Variants in ROBO1 observed in about 807,000 individuals in gnomAD.
ROBO1 encodes the protein roundabout guidance receptor 1.
ROBO1 carries 149 observed loss-of-function variants against 195.9 expected under a neutral mutation model. The ratio of observed to expected loss-of-function variants is 0.76; its 90% CI spans 0.67 to 0.87. The LOEUF is 0.87. Ranked by LOEUF, ROBO1 falls within the 40% of genes least tolerant of loss-of-function variation. The pLI, the probability that ROBO1 is intolerant of heterozygous loss-of-function variation, is 0.00. For missense variants in ROBO1, 1,933 were observed against 2,068.3 expected (o/e 0.93, Z 1.27); for synonymous variants, 816 against 733.2 (o/e 1.11, Z -1.82).
At chr3:78,841,854 C>G (rs331134) in intron 4 of ROBO1, among the ~76,000 whole-genome samples, 1 of 151,704 alleles carries the variant, frequency 6.6e-6, no homozygotes, top group Non-Finnish European at 1.5e-5. Flanking sequence ...TTAATAAAGC[C>G]CTTTCATTAG....
intron 2 of ROBO1, among the ~76,000 whole-genome samples, chr3:79,532,507 G>A (rs978841610): frequency 2.8e-4 from 42 of 152,128 alleles, no homozygotes; most frequent in African/African-American, 8.9e-4. Context: ...TAGGTCAGGC[G>A]TGGATGTGCT....
intron 2 of ROBO1, among the ~76,000 whole-genome samples, chr3:79,243,497 T>C (rs1325837390): frequency 1.3e-5 from 2 of 152,074 alleles, no homozygotes; most frequent in Non-Finnish European, 2.9e-5. Flanking sequence ...CAGCACCTGT[T>C]GTTTCCTGAC....
chr3:79,152,795 G>T (rs2080795887), intron 2 of ROBO1, among the ~76,000 whole-genome samples: 3 of 151,846 alleles, frequency 2.0e-5, no homozygotes, highest in Admixed American at 1.3e-4. Context: ...GAGGGGTAGT[G>T]TCAGGAAATA....
At chr3:78,992,099 T>C (rs577608960) in intron 3 of ROBO1, among the ~76,000 whole-genome samples, 1 of 152,302 alleles carries the variant, frequency 6.6e-6, no homozygotes, top group Admixed American at 6.5e-5. Context: ...AATGATAGAA[T>C]GCTCCAGGAT....
At chr3:78,878,521 T>C (rs1489368470) in intron 4 of ROBO1, among the ~76,000 whole-genome samples, 1 of 139,496 alleles carries the variant, frequency 7.2e-6, no homozygotes, top group East Asian at 2.1e-4. Context: ...GGGACAGAGA[T>C]TGCAGTGAGC....
intron 4 of ROBO1, among the ~76,000 whole-genome samples, chr3:78,775,374 A>G (rs1198889604): frequency 6.6e-6 from 1 of 152,160 alleles, no homozygotes; most frequent in Non-Finnish European, 1.5e-5. Flanking sequence ...ACTCATTCCT[A>G]TTTATATAAT....
At chr3:79,200,630 G>A (rs937405270) in intron 2 of ROBO1, among the ~76,000 whole-genome samples, 2 of 151,712 alleles carry the variant, frequency 1.3e-5, no homozygotes, top group Non-Finnish European at 2.9e-5. Flanking sequence ...GAGCAAAGAG[G>A]TTTCCAGAAG....
At chr3:79,766,888 G>C (rs1366478033) in intron 1 of ROBO1, among the ~76,000 whole-genome samples, 1 of 152,124 alleles carries the variant, frequency 6.6e-6, no homozygotes, top group Non-Finnish European at 1.5e-5. Context: ...AGCGCTTCCT[G>C]GTTCGTCCCA....
chr3:78,976,124 A>C (rs2076879816), intron 3 of ROBO1, among the ~76,000 whole-genome samples: 2 of 152,240 alleles, frequency 1.3e-5, no homozygotes, highest in African/African-American at 4.8e-5. Context: ...AAACAGACTC[A>C]GTGCAATACA....
intron 1 of ROBO1, among the ~76,000 whole-genome samples, chr3:79,601,588 A>T (rs988424241): frequency 2.0e-5 from 3 of 152,012 alleles, no homozygotes; most frequent in Non-Finnish European, 4.4e-5. Context: ...ACAGACATGT[A>T]TGCAACTGAA....
In ROBO1 at chr3:79,256,298, A is replaced by G. The variant is rs144172741; in HGVS notation, c.89-130759T>C. On this transcript the variant is annotated intron_variant, in intron 2 of 30. Coordinates refer to ENST00000464233, the MANE Select transcript of ROBO1 (RefSeq NM_002941.4). ...CACCCTTTCTTCCAAGGCTGTAGAC[A>G]CATGGTACATGTGTTCATTACCAAC... Among the ~76,000 whole-genome samples the G allele has an allele frequency of 1.8e-3, 267 of 152,272 alleles. 2 individuals carry two copies. The highest frequency in any genetic ancestry group is 6.2e-3 in the African/African-American group (256 of 41,566).
intron 1 of ROBO1, among the ~76,000 whole-genome samples, chr3:79,734,681 G>A (rs1703302639): frequency 6.6e-6 from 1 of 152,080 alleles, no homozygotes; most frequent in Admixed American, 6.6e-5. Flanking sequence ...TCAAATTGCG[G>A]AGTGCGTACA....
chr3:78,978,548 C>T (rs1027079344), intron 3 of ROBO1, among the ~76,000 whole-genome samples: 3 of 152,000 alleles, frequency 2.0e-5, no homozygotes, highest in Admixed American at 6.6e-5. Context: ...GTAATATTAT[C>T]CTCATCTTGA....
chr3:79,148,838 A>G (rs1285711900), intron 2 of ROBO1, among the ~76,000 whole-genome samples: 1 of 151,906 alleles, frequency 6.6e-6, no homozygotes, highest in Non-Finnish European at 1.5e-5. Flanking sequence ...GATTAGCTGT[A>G]TTTTGCTGAT....
intron 2 of ROBO1, among the ~76,000 whole-genome samples, chr3:79,446,441 T>C (rs2039258484): frequency 6.6e-6 from 1 of 152,226 alleles, no homozygotes; most frequent in African/African-American, 2.4e-5. Flanking sequence ...TGTCACCATA[T>C]GCATTATAGC....
intron 1 of ROBO1, among the ~76,000 whole-genome samples, chr3:79,715,159 T>G (rs1045911991): frequency 6.6e-6 from 1 of 152,054 alleles, no homozygotes; most frequent in Non-Finnish European, 1.5e-5. Context: ...GTAAACACTG[T>G]TGAAATGACA....
chr3:79,071,061 C>T (rs995221105), intron 3 of ROBO1, among the ~76,000 whole-genome samples: 3 of 151,622 alleles, frequency 2.0e-5, no homozygotes, highest in Admixed American at 2.0e-4. Context: ...TACTTATCTG[C>T]CTTTGTTGTA....
chr3:79,571,400 T>C (rs1384669235), intron 2 of ROBO1, among the ~76,000 whole-genome samples: 1 of 152,098 alleles, frequency 6.6e-6, no homozygotes, highest in East Asian at 1.9e-4. Context: ...CAATAGCGTA[T>C]ATGGGAAGTT....
chr3:78,912,650 T>A (rs2038316370), intron 4 of ROBO1, among the ~76,000 whole-genome samples: 1 of 152,136 alleles, frequency 6.6e-6, no homozygotes, highest in Admixed American at 6.6e-5. Flanking sequence ...TGTGATAATA[T>A]CATCAATTTT....
Sources: gnomAD v4.1 joint callset for allele counts (sites outside exome capture counted in the v4.1 genomes callset) on GRCh38, gnomAD v4.1.1 for gene constraint, MANE v1.5 for transcripts, NCBI Gene and HGNC (gene_info 2026-07-23, HGNC 2026-07-21) for gene names.